DRAXIN: variants seen among roughly 807,000 people sequenced by gnomAD.
DRAXIN encodes dorsal repulsive axon guidance protein.
In DRAXIN, 27 loss-of-function variants were observed where a neutral mutation model predicts 33.9. That is an observed-to-expected ratio of 0.80 (90% CI 0.59 to 1.10). The LOEUF is 1.10. Among genes scored for constraint, DRAXIN ranks in the 50% least tolerant of loss-of-function variants. The pLI, the probability that DRAXIN is intolerant of heterozygous loss-of-function variation, is 0.00. For synonymous variants in DRAXIN, 178 were observed against 194.0 expected, an observed-to-expected ratio of 0.92 and a Z score of 0.69; for missense variants, 371 against 460.8, an observed-to-expected ratio of 0.81 and a Z score of 1.78.
rs980416252 is a variant in DRAXIN, at chr1:11,704,929, T to A, written c.-10-1320T>A. ...GACCCTGCGAGGCTGGAGAAGGTGT[T>A]TCCCCCCTCCCCTCCACGAGTGCGT... On this transcript the variant is annotated intron_variant, in intron 1 of 6. Coordinates refer to ENST00000294485, the MANE Select transcript of DRAXIN (RefSeq NM_198545.4). The surrounding 1 kb of genome is among the most constrained non-coding windows in gnomAD (Gnocchi z 4.6). Among the ~76,000 whole-genome samples, 2 of 152,074 alleles carry A rather than the reference T, an allele frequency of 1.3e-5. No individual in the cohort carries two copies. The highest frequency in any genetic ancestry group is 4.8e-5 in the African/African-American group (2 of 41,428).
chr1:11,706,084 T>C lies in DRAXIN; in HGVS notation c.-10-165T>C, dbSNP rs1204938418. On this transcript the variant is annotated intron_variant, in intron 1 of 6. Transcript: ENST00000294485. The surrounding 1 kb of genome is among the most constrained non-coding windows in gnomAD (Gnocchi z 5.5). ...TCCAACCTCTACCTGCCAGTAGCACTCCCCAGTTTTGACAACTAAAATATG... is the reference window on the plus strand; with the variant it reads ...TCCAACCTCTACCTGCCAGTAGCACCCCCCAGTTTTGACAACTAAAATATG... Among the ~76,000 whole-genome samples, 1 of 152,152 alleles carries C rather than the reference T, an allele frequency of 6.6e-6. No homozygotes were observed. Among genetic ancestry groups the C allele is most frequent in the Non-Finnish European group, 1.5e-5 (1 of 68,000 alleles).
chr1:11,707,063 C>T (rs1299229247), intron 2 of DRAXIN, among the ~76,000 whole-genome samples: 10 of 152,010 alleles, frequency 6.6e-5, no homozygotes, highest in Non-Finnish European at 1.2e-4. Context: ...TAGCCGGGCG[C>T]GATGGTGGGC....
In DRAXIN at chr1:11,705,746, A is replaced by T. The variant is rs1641367216; in HGVS notation, c.-10-503A>T. On this transcript the variant is annotated intron_variant, in intron 1 of 6. Transcript: ENST00000294485. This position sits in a 1 kb window ranked among gnomAD's most constrained non-coding sequence, Gnocchi z 4.8. Reference sequence around the variant, plus strand: ...TGACATGAATTCACACAAAGCACTTAACGTGGGTCCTGCCTACAGCGTGCG... The same window carrying T: ...TGACATGAATTCACACAAAGCACTTTACGTGGGTCCTGCCTACAGCGTGCG... Among the ~76,000 whole-genome samples the T allele has an allele frequency of 6.6e-6, 1 of 152,182 alleles. No individual in the cohort carries two copies. The highest frequency in any genetic ancestry group is 2.4e-5 in the African/African-American group (1 of 41,432).
Position 11,706,462 on chromosome 1 carries a change from C to A in DRAXIN, c.204C>A (p.Gly68=). The change falls in exon 2 of 7, where the codon GGC becomes GGA. Residue 68 remains glycine (G), a synonymous_variant. Coordinates refer to ENST00000294485, the MANE Select transcript of DRAXIN (RefSeq NM_198545.4). The surrounding 1 kb of genome is among the most constrained non-coding windows in gnomAD (Gnocchi z 5.5). The part of the protein sequence containing the change: ...RRRGPGKKEW[G]PGLPSQAQDG... The stretch of plus-strand genomic sequence containing the variant: ...GGGGCCCGGGCAAGAAGGAGTGGGG[C>A]CCAGGCCTGCCCAGCCAGGCCCAGG... The A allele has an allele frequency of 1.2e-6, 2 of 1,610,490 alleles. No homozygotes were observed. Among genetic ancestry groups the A allele is most frequent in the Non-Finnish European group, 8.5e-7 (1 of 1,178,816 alleles).
In DRAXIN at chr1:11,694,459, G is replaced by A. The variant is rs1196644237; in HGVS notation, c.-11+2606G>A. On this transcript the variant is annotated intron_variant, in intron 1 of 6. Coordinates refer to ENST00000294485, the MANE Select transcript of DRAXIN (RefSeq NM_198545.4). The surrounding 1 kb of genome is among the most constrained non-coding windows in gnomAD (Gnocchi z 4.9). ...GGTGGTCTCTGTGCCTGTTATAGGGGTAGAAACTGAGACCAGAGAACGAAG... is the reference window on the plus strand; with the variant it reads ...GGTGGTCTCTGTGCCTGTTATAGGGATAGAAACTGAGACCAGAGAACGAAG... Among the ~76,000 whole-genome samples, 2 of 152,062 alleles carry A rather than the reference G, an allele frequency of 1.3e-5. No homozygotes were observed. Among genetic ancestry groups the A allele is most frequent in the Non-Finnish European group, 2.9e-5 (2 of 68,020 alleles).
intron 2 of DRAXIN, 128 bp from the exon 3 acceptor site, chr1:11,709,147 C>T: frequency 9.9e-7 from 1 of 1,006,320 alleles, no homozygotes; most frequent in Non-Finnish European, 1.4e-6. Flanking sequence ...GGAATGGGGG[C>T]TGAACCAAGG....
upstream of DRAXIN, among the ~76,000 whole-genome samples, chr1:11,687,697 T>G (rs2100720529): frequency 6.6e-6 from 1 of 152,352 alleles, no homozygotes; most frequent in East Asian, 1.9e-4. This position sits in a 1 kb window ranked among gnomAD's most constrained non-coding sequence, Gnocchi z 4.1. Context: ...ATACGGAACA[T>G]TCCATATAAA....
At position 11,723,839 on chromosome 1, in the gene DRAXIN, C is replaced by A. The variant is rs111933204; in HGVS notation, c.*4143C>A. The A allele has an allele frequency of 0.061, 9,278 of 152,200 alleles. 950 individuals carry two copies. The highest frequency in any genetic ancestry group is 0.21 in the African/African-American group (8,725 of 41,442). The allele number at this position is 152,200 out of a possible 1,614,324, so 9.4% of individuals were successfully genotyped here. ...AACTCCTGACCTCAGGTGATCCCCC[C>A]GTCTCAGCCTCCCAAAGTGCTGGGA... On this transcript the variant is annotated 3_prime_UTR_variant, in exon 7 of 7. Coordinates refer to ENST00000294485, the MANE Select transcript of DRAXIN (RefSeq NM_198545.4).
intron 6 of DRAXIN, among the ~76,000 whole-genome samples, chr1:11,715,742 TA>T (rs1179098322): frequency 2.0e-5 from 3 of 152,192 alleles, no homozygotes; most frequent in Non-Finnish European, 4.4e-5. Flanking sequence ...AGCACTTTTC[TA>T]CTGAAATCCC....
Position 11,706,366 on chromosome 1 carries a change from C to T in DRAXIN, c.108C>T (p.Asn36=), listed in dbSNP as rs1641380243. 10 of 1,613,914 alleles carry T rather than the reference C, an allele frequency of 6.2e-6. No individual in the cohort carries two copies. Among genetic ancestry groups the T allele is most frequent in the Non-Finnish European group, 8.5e-6 (10 of 1,180,020 alleles). ...GALAPGTPAR[N]LPENHIDLPG... is the part of the protein sequence containing the mutation. ...TTGCACCTGGGACCCCTGCCCGGAACCTCCCTGAGAATCACATTGACCTCC... is the reference window on the plus strand; with the variant it reads ...TTGCACCTGGGACCCCTGCCCGGAATCTCCCTGAGAATCACATTGACCTCC... Residue 36 remains asparagine (N), a synonymous_variant, in exon 2 of 7, where the codon AAC becomes AAT. Coordinates refer to ENST00000294485, the MANE Select transcript of DRAXIN (RefSeq NM_198545.4). This position sits in a 1 kb window ranked among gnomAD's most constrained non-coding sequence, Gnocchi z 5.5.
At position 11,699,317 on chromosome 1, in the gene DRAXIN, TCCA is replaced by T. The variant is rs35682091; in HGVS notation, c.-10-6922_-10-6920del. Among the ~76,000 whole-genome samples, 24 of 152,078 alleles carry T rather than the reference TCCA, an allele frequency of 1.6e-4. 1 individual carries two copies. The highest frequency in any genetic ancestry group is 5.6e-4 in the African/African-American group (23 of 41,416). Reference sequence around the variant, plus strand: ...CAGTGTTTTATAAGCAGTGTAGCACTCCACCACCACCAAGAATGCCTTTCCCCA... The same window carrying T: ...CAGTGTTTTATAAGCAGTGTAGCACTCCACCACCAAGAATGCCTTTCCCCA... On this transcript the variant is annotated intron_variant, in intron 1 of 6. Transcript: ENST00000294485.
Position 11,719,609 on chromosome 1 carries a change from C to T in DRAXIN, c.963C>T (p.His321=). The T allele has an allele frequency of 6.2e-7, 1 of 1,613,604 alleles. No individual in the cohort carries two copies. The highest frequency in any genetic ancestry group is 1.3e-5 in the African/African-American group (1 of 75,070). The part of the protein sequence containing the change: ...VEGLRCYAKF[H]RNRRVTRRKG... The stretch of plus-strand genomic sequence containing the variant: ...GGCTGCGCTGCTATGCCAAATTCCA[C>T]CGGAACCGCAGGGTTACACGGAGGA... The change falls in exon 7 of 7, where the codon CAC becomes CAT. Residue 321 remains histidine (H), a synonymous_variant. Transcript: ENST00000294485.
rs367814281 is a variant in DRAXIN, at chr1:11,706,504, C to T, written c.246C>T (p.Thr82=). The part of the protein sequence containing the change: ...PSQAQDGAVV[T]ATRQASRLPE... ...AGGCCCAGGATGGGGCTGTGGTCAC[C>T]GCCACCAGGCAGGCCTCCAGGCTGC... Residue 82 remains threonine, a synonymous_variant, in exon 2 of 7, where the codon ACC becomes ACT. Coordinates refer to ENST00000294485, the MANE Select transcript of DRAXIN (RefSeq NM_198545.4). The surrounding 1 kb of genome is among the most constrained non-coding windows in gnomAD (Gnocchi z 5.5). The T allele has an allele frequency of 1.0e-4, 169 of 1,611,364 alleles. No individual in the cohort carries two copies. Among genetic ancestry groups the T allele is most frequent in the Non-Finnish European group, 1.3e-4 (155 of 1,179,274 alleles).
rs966535211 is a variant in DRAXIN at position 11,723,973 on chromosome 1, C to G, written c.*4277C>G. On this transcript the variant is annotated 3_prime_UTR_variant, in exon 7 of 7. Coordinates refer to ENST00000294485, the MANE Select transcript of DRAXIN (RefSeq NM_198545.4). ...CTCCAGTGTTAGCTAATTTGTTATT[C>G]TAGGAGAATTTTAGATGTCGGTTCT... 1 of 152,206 alleles carries G rather than the reference C, an allele frequency of 6.6e-6. No individual in the cohort carries two copies. The highest frequency in any genetic ancestry group is 1.5e-5 in the Non-Finnish European group (1 of 68,040). 9.4% of individuals were successfully genotyped at this position (152,206 alleles called of 1,614,324 possible).
rs1223688321 is a variant in DRAXIN, at chr1:11,720,107, G to A, written c.*411G>A. The A allele has an allele frequency of 4.8e-6, 1 of 207,234 alleles. No individual in the cohort carries two copies. Among genetic ancestry groups the A allele is most frequent in the South Asian group, 7.7e-5 (1 of 13,050 alleles). The allele number at this position is 207,234 out of a possible 1,614,324, so 12.8% of individuals were successfully genotyped here. On this transcript the variant is annotated 3_prime_UTR_variant, in exon 7 of 7. Coordinates refer to ENST00000294485, the MANE Select transcript of DRAXIN (RefSeq NM_198545.4). ...ATATGGAACATCTCCTATGTACCAG[G>A]CACTGTGCTAAGTGCTGGAATACAT...
At position 11,700,998 on chromosome 1, in the gene DRAXIN, G is replaced by T. The variant is rs560777685; in HGVS notation, c.-10-5251G>T. On this transcript the variant is annotated intron_variant, in intron 1 of 6. Transcript: ENST00000294485. The stretch of plus-strand genomic sequence containing the variant: ...AGGCTGTTGTGGGGGGAGGGGCTCA[G>T]GAATCAAAGCTGACTCCAGGCTCGA... 2.0e-5 allele frequency among the ~76,000 whole-genome samples: 3 copies of T among 152,326 alleles called. No homozygotes were observed. In the East Asian group the frequency reaches 5.8e-4, roughly 29 times the overall value.
chr1:11,709,547 G>A, intron 3 of DRAXIN, 82 bp downstream of exon 3: 1 of 1,443,748 alleles, frequency 6.9e-7, no homozygotes, highest in Non-Finnish European at 9.2e-7. Flanking sequence ...CATGTAGGGA[G>A]ACTGAGGCAC....
chr1:11,689,549 T>C (rs912921195), upstream of DRAXIN, among the ~76,000 whole-genome samples: 1 of 152,060 alleles, frequency 6.6e-6, no homozygotes, highest in Non-Finnish European at 1.5e-5. Flanking sequence ...TGAGCTGAGA[T>C]TGTGCCACTG....
Position 11,722,779 on chromosome 1 carries a change from T to C in DRAXIN, c.*3083T>C, listed in dbSNP as rs1427336557. The C allele has an allele frequency of 6.5e-6, 1 of 154,140 alleles. No individual in the cohort carries two copies. The highest frequency in any genetic ancestry group is 1.9e-4 in the East Asian group (1 of 5,196). The allele number at this position is 154,140 out of a possible 1,614,324, so 9.5% of individuals were successfully genotyped here. On this transcript the variant is annotated 3_prime_UTR_variant, in exon 7 of 7. Transcript: ENST00000294485. Reference sequence around the variant, plus strand: ...CAGGAAAACTATTTCTGGACACACATGTGAATTCTGTATACTTTTCACATG... The same window carrying C: ...CAGGAAAACTATTTCTGGACACACACGTGAATTCTGTATACTTTTCACATG...
Sources: gnomAD v4.1 joint callset for allele counts (sites outside exome capture counted in the v4.1 genomes callset) on GRCh38, gnomAD v4.1.1 for gene constraint, Gnocchi (gnomAD v3.1) non-coding constraint, MANE v1.5 for transcripts, NCBI Gene and HGNC (gene_info 2026-07-23, HGNC 2026-07-21) for gene names.